RGL1: variants seen among roughly 807,000 people sequenced by gnomAD.
RGL1 encodes ral guanine nucleotide dissociation stimulator like 1, also known as ral guanine nucleotide dissociation stimulator-like 1.
Under a neutral mutation model 95.2 loss-of-function variants are expected in RGL1, and 24 were observed. The observed-to-expected ratio is 0.25, with a 90% CI of 0.18 to 0.35. RGL1 has a LOEUF of 0.35. Ranked by LOEUF, RGL1 falls within the 10% of genes least tolerant of loss-of-function variation. RGL1 has a pLI of 1.00. For synonymous variants in RGL1, 329 were observed against 344.9 expected (o/e 0.95, Z 0.51); for missense variants, 715 against 936.3 (o/e 0.76, Z 3.08).
At chr1:183,819,181 A>C (rs1051745380) in intron 2 of RGL1, among the ~76,000 whole-genome samples, 3 of 152,230 alleles carry the variant, frequency 2.0e-5, no homozygotes, top group Non-Finnish European at 4.4e-5. Context: ...GCATTGACCC[A>C]CTGTCAAGCC....
chr1:183,820,103 G>A lies in RGL1; in HGVS notation c.138+13618G>A, dbSNP rs549032890. 5.3e-5 allele frequency among the ~76,000 whole-genome samples: 8 copies of A among 151,952 alleles called. No individual in the cohort carries two copies. In the East Asian group the frequency reaches 5.8e-4, roughly 11 times the overall value. ...TGACTAGCCCATTTTGTTTTGTTTC[G>A]TTTTGATTTAAAGAAGAAGAAAATC... On this transcript the variant is annotated intron_variant, in intron 2 of 17. Coordinates refer to ENST00000360851, the MANE Select transcript of RGL1 (RefSeq NM_001297671.3).
chr1:183,897,735 C>G, intron 9 of RGL1, 73 bp from the exon 10 acceptor site: 1 of 1,130,170 alleles, frequency 8.8e-7, no homozygotes, highest in African/African-American at 1.5e-5. Flanking sequence ...GTGCGAGAAA[C>G]TAGATGCCTC....
intron 15 of RGL1, among the ~76,000 whole-genome samples, chr1:183,914,431 G>A (rs1303804552): frequency 6.6e-6 from 1 of 152,064 alleles, no homozygotes; most frequent in Non-Finnish European, 1.5e-5. Flanking sequence ...AGTAGCTCCT[G>A]GACTGCACAA....
upstream of RGL1, among the ~76,000 whole-genome samples, chr1:183,802,429 T>C (rs576041036): frequency 6.6e-6 from 1 of 152,300 alleles, no homozygotes; most frequent in South Asian, 2.1e-4. Flanking sequence ...GGATCCTTCG[T>C]AGTTCCATTT....
chr1:183,767,212 G>A (rs1364623118), intron 2 of RGL1, among the ~76,000 whole-genome samples: 1 of 126,632 alleles, frequency 7.9e-6, no homozygotes, highest in African/African-American at 3.1e-5. Flanking sequence ...CTGGGCAGCA[G>A]AGCAAGACCC....
At chr1:183,836,285 T>C (rs1663644369) in intron 2 of RGL1, among the ~76,000 whole-genome samples, 1 of 152,104 alleles carries the variant, frequency 6.6e-6, no homozygotes, top group Non-Finnish European at 1.5e-5. Flanking sequence ...AGTTTTGCTC[T>C]TGTTGCCCAG....
At position 183,805,139 on chromosome 1, in the gene RGL1, C is replaced by A; in HGVS notation, c.-159C>A. On this transcript the variant is annotated 5_prime_UTR_variant, in exon 1 of 18. Coordinates refer to ENST00000360851, the MANE Select transcript of RGL1 (RefSeq NM_001297671.3). Reference sequence around the variant, plus strand: ...CCCTTTGTGGCCCGAGTCGCGCGCACCGGCGGCGGCGGGGGCAGCGCGGCG... The same window carrying A: ...CCCTTTGTGGCCCGAGTCGCGCGCAACGGCGGCGGCGGGGGCAGCGCGGCG... 1.0e-6 allele frequency: 1 copy of A among 970,772 alleles called. No homozygotes were observed. Among genetic ancestry groups the A allele is most frequent in the Non-Finnish European group, 1.4e-6 (1 of 734,934 alleles). The allele number at this position is 970,772 out of a possible 1,614,324, so 60.1% of individuals were successfully genotyped here.
At chr1:183,807,948 A>T (rs973691493) in intron 2 of RGL1, among the ~76,000 whole-genome samples, 1 of 152,226 alleles carries the variant, frequency 6.6e-6, no homozygotes, top group African/African-American at 2.4e-5. Flanking sequence ...TGTGGCGTCC[A>T]TGTGGTTTGG....
At chr1:183,722,386 G>C (rs879052813) in intron 1 of RGL1, among the ~76,000 whole-genome samples, 4 of 151,988 alleles carry the variant, frequency 2.6e-5, no homozygotes, top group Admixed American at 6.6e-5. Flanking sequence ...CTTCAGAAGA[G>C]AAGAGAGTAA....
At chr1:183,705,229 T>G (rs1654833440) in intron 1 of RGL1, among the ~76,000 whole-genome samples, 1 of 151,998 alleles carries the variant, frequency 6.6e-6, no homozygotes, top group African/African-American at 2.4e-5. Context: ...CTTGCTTAGT[T>G]TGTGGAGGTG....
At chr1:183,697,743 T>A (rs1654339159) in intron 1 of RGL1, among the ~76,000 whole-genome samples, 1 of 152,252 alleles carries the variant, frequency 6.6e-6, no homozygotes, top group Admixed American at 6.5e-5. Context: ...TGGTACTTCA[T>A]CTGCAGATGT....
At chr1:183,801,149 G>A (rs1389199639), upstream of RGL1, among the ~76,000 whole-genome samples, 7 of 150,852 alleles carry the variant, frequency 4.6e-5, no homozygotes, top group Non-Finnish European at 1.5e-5. Context: ...TATTTTGTGT[G>A]TGTGTGTGTG....
chr1:183,919,736 G>C (rs991365048), intron 16 of RGL1, among the ~76,000 whole-genome samples: 1 of 152,178 alleles, frequency 6.6e-6, no homozygotes. Context: ...GTCAATCACA[G>C]AGTCAGTCTC....
intron 10 of RGL1, 149 bp from the exon 11 acceptor site, chr1:183,900,001 A>G (rs1356682800): frequency 3.6e-6 from 2 of 563,116 alleles, no homozygotes; most frequent in Middle Eastern, 2.7e-4. Flanking sequence ...CTATTTGTGT[A>G]GAAATTTAAA....
At chr1:183,872,099 G>T (rs1327166755) in intron 4 of RGL1, among the ~76,000 whole-genome samples, 1 of 152,122 alleles carries the variant, frequency 6.6e-6, no homozygotes, top group Non-Finnish European at 1.5e-5. Context: ...TTCTACCCGT[G>T]CCCTTTTCCT....
chr1:183,738,404 G>C (rs959389604), intron 1 of RGL1, among the ~76,000 whole-genome samples: 19 of 151,644 alleles, frequency 1.3e-4, no homozygotes, highest in Admixed American at 1.1e-3. Flanking sequence ...CTGGGCGACA[G>C]AGCAAGACTC....
intron 2 of RGL1, among the ~76,000 whole-genome samples, chr1:183,777,624 A>C (rs1659668201): frequency 6.6e-6 from 1 of 152,248 alleles, no homozygotes; most frequent in Non-Finnish European, 1.5e-5. Flanking sequence ...GGGAGCTCAT[A>C]GGAAAACTGA....
intron 1 of RGL1, 110 bp from the exon 2 acceptor site, chr1:183,806,265 C>T (rs1271081935): frequency 4.2e-6 from 3 of 707,888 alleles, no homozygotes; most frequent in Non-Finnish European, 7.3e-6. Flanking sequence ...TTGAACAGCC[C>T]ATCTTGTGCC....
At chr1:183,659,692 A>G (rs552811310) in intron 1 of RGL1, among the ~76,000 whole-genome samples, 15 of 152,138 alleles carry the variant, frequency 9.9e-5, no homozygotes, top group South Asian at 2.1e-4. Context: ...ATTCAGATTC[A>G]GGAAATACAG....
Sources: gnomAD v4.1 joint callset for allele counts (sites outside exome capture counted in the v4.1 genomes callset) on GRCh38, gnomAD v4.1.1 for gene constraint, MANE v1.5 for transcripts, NCBI Gene and HGNC (gene_info 2026-07-23, HGNC 2026-07-21) for gene names.